The following SLC41A2 variants were observed in gnomAD, a reference collection of about 807,000 sequenced individuals.
SLC41A2 encodes the protein solute carrier family 41 member 2, also known as SLC41A1-like 1.
Under a neutral mutation model 58.3 loss-of-function variants are expected in SLC41A2, and 32 were observed. The ratio of observed to expected loss-of-function variants is 0.55; its 90% CI spans 0.41 to 0.74. The LOEUF is 0.74. Among genes scored for constraint, SLC41A2 ranks in the 30% least tolerant of loss-of-function variants. The pLI is 0.00. For synonymous variants in SLC41A2, 190 were observed against 235.0 expected (o/e 0.81, Z 1.75); for missense variants, 514 against 680.6 (o/e 0.76, Z 2.72).
chr12:104,919,601 T>A lies in SLC41A2; in HGVS notation c.555+8372A>T, dbSNP rs12427156. ...TTTGCATTTCTCTAATGGCTAATGA[T>A]GTTGAACTTCTTTTCATGTGTTTAT... is the stretch of plus-strand genomic sequence containing the variant. On this transcript the variant is annotated intron_variant, in intron 2 of 10. Transcript: ENST00000258538. Among the ~76,000 whole-genome samples the A allele has an allele frequency of 6.4e-3, 980 of 152,372 alleles. 49 individuals are homozygous for A. Among genetic ancestry groups the A allele is most frequent in the Admixed American group, 0.057 (879 of 15,300 alleles).
At chr12:104,861,978 C>A (rs1470998990) in intron 7 of SLC41A2, among the ~76,000 whole-genome samples, 1 of 152,152 alleles carries the variant, frequency 6.6e-6, no homozygotes, top group Non-Finnish European at 1.5e-5. Flanking sequence ...TGGTAGCAAG[C>A]CATACACTCT....
intron 6 of SLC41A2, among the ~76,000 whole-genome samples, chr12:104,879,890 C>T (rs536095891): frequency 1.3e-3 from 196 of 152,194 alleles, no homozygotes; most frequent in Admixed American, 2.4e-3. Flanking sequence ...GATATTGATT[C>T]TTCCTATCCA....
chr12:104,946,481 T>C (rs990188373), intron 1 of SLC41A2, among the ~76,000 whole-genome samples: 3 of 152,172 alleles, frequency 2.0e-5, no homozygotes, highest in Admixed American at 6.6e-5. Flanking sequence ...ACTACATTGC[T>C]CAGACTGGTC....
chr12:104,808,189 T>A (rs975597860), intron 10 of SLC41A2, among the ~76,000 whole-genome samples: 5 of 152,350 alleles, frequency 3.3e-5, no homozygotes, highest in African/African-American at 4.8e-5. Flanking sequence ...TTCAGTATGA[T>A]ATTGGCTGTG....
At chr12:104,890,849 G>C (rs187457760) in intron 4 of SLC41A2, among the ~76,000 whole-genome samples, 1 of 152,140 alleles carries the variant, frequency 6.6e-6, no homozygotes, top group Non-Finnish European at 1.5e-5. Context: ...TGTGACAGGC[G>C]ATCTGCCTGG....
At chr12:104,903,742 C>T (rs757757775) in intron 3 of SLC41A2, among the ~76,000 whole-genome samples, 1 of 152,142 alleles carries the variant, frequency 6.6e-6, no homozygotes, top group Admixed American at 6.5e-5. Context: ...TTCTTATTTC[C>T]TTGACTGAAC....
intron 8 of SLC41A2, among the ~76,000 whole-genome samples, chr12:104,848,196 GA>G (rs796529231): frequency 3.3e-5 from 5 of 152,238 alleles, no homozygotes; most frequent in African/African-American, 1.2e-4. Context: ...CAAATATCTG[GA>G]AAGTAAACAA....
chr12:104,911,401 A>G (rs951007316), intron 2 of SLC41A2, among the ~76,000 whole-genome samples: 1 of 149,890 alleles, frequency 6.7e-6, no homozygotes, highest in African/African-American at 2.4e-5. Context: ...TGAAAATAAC[A>G]GATATTAAAA....
At chr12:104,903,018 T>A (rs2045631977) in intron 3 of SLC41A2, among the ~76,000 whole-genome samples, 1 of 152,214 alleles carries the variant, frequency 6.6e-6, no homozygotes, top group South Asian at 2.1e-4. Context: ...TCTACTAATT[T>A]GCTTGCTTTT....
At chr12:104,895,036 T>C (rs1325398620) in intron 4 of SLC41A2, among the ~76,000 whole-genome samples, 3 of 152,324 alleles carry the variant, frequency 2.0e-5, no homozygotes, top group Non-Finnish European at 4.4e-5. Flanking sequence ...TGTATATTTT[T>C]CCACATTTTG....
At chr12:104,886,144 G>C in intron 6 of SLC41A2, 149 bp downstream of exon 6, 1 of 702,320 alleles carries the variant, frequency 1.4e-6, no homozygotes, top group Non-Finnish European at 2.2e-6. Context: ...ACACATAGTA[G>C]GTATAAAACA....
At chr12:104,871,780 C>T (rs1453395236) in intron 6 of SLC41A2, among the ~76,000 whole-genome samples, 5 of 152,144 alleles carry the variant, frequency 3.3e-5, no homozygotes, top group Admixed American at 2.0e-4. Flanking sequence ...GTTTATTAAA[C>T]ATCTGTTTTG....
intron 3 of SLC41A2, among the ~76,000 whole-genome samples, chr12:104,907,557 A>G (rs2045906234): frequency 6.6e-6 from 1 of 152,238 alleles, no homozygotes; most frequent in Non-Finnish European, 1.5e-5. Flanking sequence ...GCTAAGACCA[A>G]GACCTTAGCA....
intron 3 of SLC41A2, among the ~76,000 whole-genome samples, chr12:104,897,874 C>T (rs1419790972): frequency 1.3e-5 from 2 of 152,116 alleles, no homozygotes; most frequent in African/African-American, 4.8e-5. Flanking sequence ...TGTGCTGACC[C>T]ATCCTACTGT....
At chr12:104,916,361 G>T (rs560029521) in intron 2 of SLC41A2, among the ~76,000 whole-genome samples, 2 of 152,230 alleles carry the variant, frequency 1.3e-5, no homozygotes, top group Admixed American at 6.5e-5. Flanking sequence ...GCTCCTCCTT[G>T]TACCTCTGTT....
intron 2 of SLC41A2, among the ~76,000 whole-genome samples, chr12:104,924,186 C>T (rs2046732182): frequency 6.6e-6 from 1 of 152,148 alleles, no homozygotes; most frequent in Non-Finnish European, 1.5e-5. Context: ...CATTAGTTAT[C>T]ACAGAAATCT....
At chr12:104,872,196 T>C (rs1036693257) in intron 6 of SLC41A2, among the ~76,000 whole-genome samples, 3 of 151,946 alleles carry the variant, frequency 2.0e-5, no homozygotes, top group Non-Finnish European at 2.9e-5. Flanking sequence ...GGCAGAAGCT[T>C]AAGAAGGTAA....
intron 8 of SLC41A2, among the ~76,000 whole-genome samples, chr12:104,857,772 G>A (rs143057410): frequency 0.019 from 2,795 of 146,022 alleles, 32 homozygotes; most frequent in African/African-American, 0.036. Flanking sequence ...ACCAAACACC[G>A]CATGTTCTCA....
intron 5 of SLC41A2, among the ~76,000 whole-genome samples, chr12:104,888,067 A>T (rs1175456926): frequency 4.6e-5 from 7 of 152,124 alleles, no homozygotes; most frequent in African/African-American, 1.4e-4. Flanking sequence ...AAATGAGCCT[A>T]AAAAAATAGC....
Sources: gnomAD v4.1 joint callset for allele counts (sites outside exome capture counted in the v4.1 genomes callset) on GRCh38, gnomAD v4.1.1 for gene constraint, MANE v1.5 for transcripts, NCBI Gene and HGNC (gene_info 2026-07-23, HGNC 2026-07-21) for gene names.